Variants in MAGI2 observed in about 807,000 individuals in gnomAD.
The protein encoded by MAGI2 is membrane-associated guanylate kinase, WW and PDZ domain-containing protein 2.
A neutral mutation model predicts 133.3 loss-of-function variants in MAGI2; 35 were observed. That is an observed-to-expected ratio of 0.26 (90% CI 0.20 to 0.35). The LOEUF (loss-of-function observed/expected upper bound fraction) is 0.35, where lower values mean the gene tolerates loss of function less well. Ranked by LOEUF, MAGI2 falls within the 10% of genes least tolerant of loss-of-function variation. MAGI2 has a pLI of 1.00. For missense variants in MAGI2, 1,636 were observed against 1,863.4 expected (o/e 0.88, Z 2.25); for synonymous variants, 729 against 710.6 (o/e 1.03, Z -0.41).
At chr7:79,071,277 G>A (rs901343724) in intron 1 of MAGI2, among the ~76,000 whole-genome samples, 3 of 152,190 alleles carry the variant, frequency 2.0e-5, no homozygotes, top group African/African-American at 7.2e-5. Flanking sequence ...ACTGGTGGAG[G>A]CTGCAGAACA....
chr7:78,869,423 G>A (rs1794846828), intron 2 of MAGI2, among the ~76,000 whole-genome samples: 1 of 152,132 alleles, frequency 6.6e-6, no homozygotes, highest in Admixed American at 6.5e-5. Flanking sequence ...TGAGAATCTA[G>A]TTTCATTCTT....
intron 1 of MAGI2, among the ~76,000 whole-genome samples, chr7:79,427,459 A>C (rs1463825257): frequency 6.6e-6 from 1 of 152,194 alleles, no homozygotes; most frequent in East Asian, 1.9e-4. Flanking sequence ...TAAGTGATCT[A>C]AAACAGACAA....
At chr7:78,818,423 C>A (rs1158146070) in intron 2 of MAGI2, among the ~76,000 whole-genome samples, 6 of 152,146 alleles carry the variant, frequency 3.9e-5, no homozygotes, top group Non-Finnish European at 5.9e-5. Flanking sequence ...CCAAACATGG[C>A]TGCCTAAGAC....
chr7:79,292,500 C>T (rs1836568184), intron 1 of MAGI2, among the ~76,000 whole-genome samples: 2 of 151,558 alleles, frequency 1.3e-5, no homozygotes, highest in African/African-American at 4.8e-5. Context: ...GGTCTGGTGG[C>T]ATGTGCCTGT....
rs559461068 is a variant in MAGI2, at chr7:78,167,578, A to G, written c.2596+338T>C. Among the ~76,000 whole-genome samples, 10 of 152,276 alleles carry G rather than the reference A, an allele frequency of 6.6e-5. No homozygotes were observed. The East Asian group carries it at 1.4e-3, about 21-fold the overall frequency. ...GCTGTGGCTCTTGGTTTGCAAACAC[A>G]TTTTCAAATGGCATATTTTCCATGA... is the stretch of plus-strand genomic sequence containing the variant. On this transcript the variant is annotated intron_variant, in intron 15 of 21. Coordinates refer to ENST00000354212, the MANE Select transcript of MAGI2 (RefSeq NM_012301.4).
At chr7:78,694,550 C>T (rs1416853462) in intron 2 of MAGI2, among the ~76,000 whole-genome samples, 7 of 152,046 alleles carry the variant, frequency 4.6e-5, no homozygotes, top group Non-Finnish European at 1.0e-4. Context: ...AGTTCTAGTC[C>T]CCAAGCTCAA....
chr7:78,785,247 AT>A (rs1826719030), intron 2 of MAGI2, among the ~76,000 whole-genome samples: 1 of 152,300 alleles, frequency 6.6e-6, no homozygotes, highest in East Asian at 1.9e-4. Context: ...AATGCTTTTA[AT>A]TTTGTTCTGC....
At chr7:78,258,665 T>C (rs544176316) in intron 9 of MAGI2, among the ~76,000 whole-genome samples, 1 of 152,346 alleles carries the variant, frequency 6.6e-6, no homozygotes, top group East Asian at 1.9e-4. Flanking sequence ...GAAAGTATTT[T>C]ACATATTTTA....
At chr7:78,340,018 A>AT (rs569968197) in intron 9 of MAGI2, among the ~76,000 whole-genome samples, 9 of 152,094 alleles carry the variant, frequency 5.9e-5, no homozygotes, top group East Asian at 1.9e-4. Flanking sequence ...GAATACCTCA[A>AT]TTTTTTTTGT....
At chr7:79,251,983 C>T (rs1169100161) in intron 1 of MAGI2, among the ~76,000 whole-genome samples, 1 of 151,702 alleles carries the variant, frequency 6.6e-6, no homozygotes, top group African/African-American at 2.4e-5. Flanking sequence ...TTGGCAAAAC[C>T]TCATCTTTAC....
At chr7:79,179,185 C>A (rs1826387935) in intron 1 of MAGI2, among the ~76,000 whole-genome samples, 1 of 151,884 alleles carries the variant, frequency 6.6e-6, no homozygotes, top group African/African-American at 2.4e-5. Flanking sequence ...TTTAATCTTT[C>A]AAATCTTTTT....
intron 1 of MAGI2, among the ~76,000 whole-genome samples, chr7:79,448,679 G>T (rs1486401661): frequency 6.6e-6 from 1 of 151,828 alleles, no homozygotes. Flanking sequence ...ATTCTGCCAG[G>T]GTCTGTATGT....
At chr7:78,769,048 C>A (rs1825315451) in intron 2 of MAGI2, among the ~76,000 whole-genome samples, 1 of 152,152 alleles carries the variant, frequency 6.6e-6, no homozygotes, top group Non-Finnish European at 1.5e-5. Context: ...AACAGTGTGG[C>A]TGCTGTAGCA....
At chr7:78,999,033 C>G (rs886763131) in intron 2 of MAGI2, among the ~76,000 whole-genome samples, 1 of 152,062 alleles carries the variant, frequency 6.6e-6, no homozygotes, top group African/African-American at 2.4e-5. Context: ...AGCCTCAGAA[C>G]TCTCTCCCCA....
intron 2 of MAGI2, among the ~76,000 whole-genome samples, chr7:78,882,332 T>C (rs1400564605): frequency 6.6e-6 from 1 of 151,870 alleles, no homozygotes; most frequent in Non-Finnish European, 1.5e-5. Flanking sequence ...ATTGAAGCCG[T>C]GAACAGACCA....
At chr7:78,328,529 A>ACACACACACACACACAC (rs1408831333) in intron 9 of MAGI2, among the ~76,000 whole-genome samples, 11 of 99,872 alleles carry the variant, frequency 1.1e-4, no homozygotes, top group African/African-American at 4.2e-4. Flanking sequence ...ACACACACAC[A>ACACACACACACACACAC]CCCCTCTCTC....
chr7:78,911,870 T>G (rs1289357232), intron 2 of MAGI2, among the ~76,000 whole-genome samples: 1 of 152,056 alleles, frequency 6.6e-6, no homozygotes, highest in East Asian at 1.9e-4. Context: ...CACTCCTAAA[T>G]GCTCATCAAT....
chr7:79,228,444 C>A (rs1382015528), intron 1 of MAGI2, among the ~76,000 whole-genome samples: 2 of 147,642 alleles, frequency 1.4e-5, no homozygotes, highest in Non-Finnish European at 3.0e-5. Flanking sequence ...GAGAGTACCC[C>A]TTTAAAAATA....
chr7:78,870,713 A>G (rs1318738019), intron 2 of MAGI2, among the ~76,000 whole-genome samples: 2 of 152,184 alleles, frequency 1.3e-5, no homozygotes, highest in Non-Finnish European at 2.9e-5. Context: ...TACCCAGAGG[A>G]AAATAAATCA....
Sources: gnomAD v4.1 joint callset for allele counts (sites outside exome capture counted in the v4.1 genomes callset) on GRCh38, gnomAD v4.1.1 for gene constraint, MANE v1.5 for transcripts, NCBI Gene and HGNC (gene_info 2026-07-23, HGNC 2026-07-21) for gene names.